The following DCC variants were observed in gnomAD, a reference collection of about 807,000 sequenced individuals.
DCC encodes DCC netrin 1 receptor.
In DCC, 58 loss-of-function variants were observed where a neutral mutation model predicts 172.5. The ratio of observed to expected loss-of-function variants is 0.34; its 90% CI spans 0.27 to 0.42. The LOEUF (loss-of-function observed/expected upper bound fraction) is 0.42. Ranked by LOEUF, DCC falls within the 10% of genes least tolerant of loss-of-function variation. The pLI is 1.00. For missense variants in DCC, 1,740 were observed against 1,791.0 expected, an observed-to-expected ratio of 0.97 and a Z score of 0.51; for synonymous variants, 709 against 644.5, an observed-to-expected ratio of 1.10 and a Z score of -1.52.
At chr18:53,247,661 G>T (rs1485284940) in intron 12 of DCC, among the ~76,000 whole-genome samples, 1 of 151,916 alleles carries the variant, frequency 6.6e-6, no homozygotes, top group Admixed American at 6.6e-5. Flanking sequence ...CATTTTTATA[G>T]ATGTTAATTT....
At chr18:53,087,580 T>C (rs1229551982) in intron 7 of DCC, among the ~76,000 whole-genome samples, 3 of 152,198 alleles carry the variant, frequency 2.0e-5, no homozygotes, top group African/African-American at 7.2e-5. Context: ...GTAGTTTCTT[T>C]TGCTGTGCAG....
chr18:53,362,160 T>C (rs1011115900), intron 15 of DCC, among the ~76,000 whole-genome samples: 1 of 152,234 alleles, frequency 6.6e-6, no homozygotes, highest in African/African-American at 2.4e-5. Context: ...TACCATCTTT[T>C]ATTATTTGAA....
rs188129114 is a variant in DCC, at chr18:52,366,377, A to T, written c.91+25499A>T. On this transcript the variant is annotated intron_variant, in intron 1 of 28. Transcript: ENST00000442544. ...TGCAAGGGGACCCGAGCGGGTTGCC[A>T]ATGCTGGCTCGGGCAGCCTGTTTTT... Among the ~76,000 whole-genome samples, 10 of 152,312 alleles carry T rather than the reference A, an allele frequency of 6.6e-5. No homozygotes were observed. The East Asian group carries it at 1.9e-3, about 29-fold the overall frequency.
rs541722231 is a variant in DCC at position 52,803,783 on chromosome 18, TCC to T, written c.412+51410_412+51411del. Among the ~76,000 whole-genome samples the T allele has an allele frequency of 3.9e-3, 601 of 152,304 alleles. 7 individuals are homozygous for T. In the Middle Eastern group the frequency reaches 0.051, roughly 13 times the overall value. ...TTAGAGAAACAACACATTCATTCAA[TCC>T]ACACACTCATGGACCTCTCCAGGAG... On this transcript the variant is annotated intron_variant, in intron 2 of 28. Coordinates refer to ENST00000442544, the MANE Select transcript of DCC (RefSeq NM_005215.4).
At chr18:52,612,448 G>C (rs1308488068) in intron 1 of DCC, among the ~76,000 whole-genome samples, 2 of 142,344 alleles carry the variant, frequency 1.4e-5, no homozygotes, top group African/African-American at 4.9e-5. Flanking sequence ...GAGTGGCTTT[G>C]ATTTTTTTTT....
intron 1 of DCC, among the ~76,000 whole-genome samples, chr18:52,403,296 G>T (rs1352139838): frequency 6.6e-6 from 1 of 151,936 alleles, no homozygotes; most frequent in Non-Finnish European, 1.5e-5. Context: ...TTGTCTTCTG[G>T]TCTCCCTATA....
chr18:52,532,556 T>C (rs543514852), intron 1 of DCC, among the ~76,000 whole-genome samples: 2 of 152,296 alleles, frequency 1.3e-5, no homozygotes, highest in South Asian at 4.1e-4. Context: ...GTTTAGATGC[T>C]GCTAATAGGG....
At chr18:53,268,446 A>G (rs1033630255) in intron 12 of DCC, among the ~76,000 whole-genome samples, 1 of 152,198 alleles carries the variant, frequency 6.6e-6, no homozygotes, top group Non-Finnish European at 1.5e-5. Flanking sequence ...AATTAAAATT[A>G]AGAAATATTT....
intron 19 of DCC, among the ~76,000 whole-genome samples, chr18:53,406,703 C>CAAAAAAAAAAA (rs35372678): frequency 4.3e-5 from 4 of 92,322 alleles, no homozygotes; most frequent in Admixed American, 1.1e-4. Context: ...GACTCTGTCT[C>CAAAAAAAAAAA]AAAAAAAAAA....
At chr18:52,974,349 A>G (rs2041078417) in intron 5 of DCC, among the ~76,000 whole-genome samples, 1 of 152,178 alleles carries the variant, frequency 6.6e-6, no homozygotes. Flanking sequence ...ATAGGTTGTC[A>G]TTAAGGTCCA....
chr18:53,310,954 CT>C, intron 13 of DCC, among the ~76,000 whole-genome samples: 1 of 145,044 alleles, frequency 6.9e-6, no homozygotes, highest in Non-Finnish European at 1.5e-5. Context: ...TTACACCGTA[CT>C]ACCCTTACAA....
intron 1 of DCC, among the ~76,000 whole-genome samples, chr18:52,508,845 A>G (rs762827342): frequency 3.3e-5 from 5 of 152,226 alleles, no homozygotes; most frequent in South Asian, 2.1e-4. Flanking sequence ...AAAAAAGGCT[A>G]TAAGAGGGAA....
intron 5 of DCC, among the ~76,000 whole-genome samples, chr18:53,034,993 C>A (rs773258557): frequency 6.6e-6 from 1 of 152,054 alleles, no homozygotes; most frequent in Admixed American, 6.6e-5. Context: ...CCTCTCTTCT[C>A]CTTTATGTAC....
chr18:52,941,971 C>T (rs1290534155), intron 5 of DCC, among the ~76,000 whole-genome samples: 2 of 151,972 alleles, frequency 1.3e-5, no homozygotes, highest in Non-Finnish European at 2.9e-5. Flanking sequence ...TTAGTAGAGA[C>T]AAGGTTTCAC....
intron 5 of DCC, among the ~76,000 whole-genome samples, chr18:53,032,409 G>A (rs760639205): frequency 4.6e-5 from 7 of 152,110 alleles, no homozygotes; most frequent in African/African-American, 7.2e-5. Flanking sequence ...AGCTTATTGA[G>A]TTAACCTTTT....
chr18:53,343,727 G>T (rs537118174), intron 15 of DCC, among the ~76,000 whole-genome samples: 2 of 151,914 alleles, frequency 1.3e-5, no homozygotes, highest in South Asian at 2.1e-4. Flanking sequence ...TGTGTAAAAT[G>T]GATTTTATTT....
chr18:53,197,027 T>C (rs1043435310), intron 9 of DCC, among the ~76,000 whole-genome samples: 20 of 152,032 alleles, frequency 1.3e-4, no homozygotes, highest in African/African-American at 4.8e-4. Context: ...ACAGATTTCA[T>C]AGAAATATCA....
chr18:52,437,397 G>C lies in DCC; in HGVS notation c.91+96519G>C, dbSNP rs761679339. ...ATGGTCACAGCAAGATAAATTATGTGTTAAGGAGATAATTACTATGGCCTT... is the reference window on the plus strand; with the variant it reads ...ATGGTCACAGCAAGATAAATTATGTCTTAAGGAGATAATTACTATGGCCTT... On this transcript the variant is annotated intron_variant, in intron 1 of 28. Coordinates refer to ENST00000442544, the MANE Select transcript of DCC (RefSeq NM_005215.4). Among the ~76,000 whole-genome samples, 4 of 152,266 alleles carry C rather than the reference G, an allele frequency of 2.6e-5. No homozygotes were observed. In the East Asian group the frequency reaches 7.7e-4, roughly 29 times the overall value.
intron 1 of DCC, among the ~76,000 whole-genome samples, chr18:52,589,148 C>T (rs897803229): frequency 6.6e-6 from 1 of 152,118 alleles, no homozygotes; most frequent in Non-Finnish European, 1.5e-5. Context: ...GTCTGAGCTT[C>T]AAATACTTTT....
Sources: allele counts gnomAD v4.1 joint callset (sites outside exome capture counted in the v4.1 genomes callset), GRCh38; gene constraint gnomAD v4.1.1; transcripts MANE v1.5; gene names NCBI Gene and HGNC (gene_info 2026-07-23, HGNC 2026-07-21).